Variants in CHMP3 observed in about 807,000 individuals in gnomAD.
The protein encoded by CHMP3 is 25.1 protein.
A neutral mutation model predicts 27.4 loss-of-function variants in CHMP3; 8 were observed. The observed-to-expected ratio is 0.29, with a 90% CI of 0.17 to 0.53. The LOEUF (loss-of-function observed/expected upper bound fraction) is 0.53, where lower values mean the gene tolerates loss of function less well. Among genes scored for constraint, CHMP3 ranks in the 20% least tolerant of loss-of-function variants. The pLI, the probability that CHMP3 is intolerant of heterozygous loss-of-function variation, is 0.96. For missense variants in CHMP3, 208 were observed against 271.5 expected, an observed-to-expected ratio of 0.77 and a Z score of 1.64; for synonymous variants, 86 against 85.5, an observed-to-expected ratio of 1.01 and a Z score of -0.03.
In CHMP3 at chr2:86,537,120, C is replaced by T. The variant is rs141197805; in HGVS notation, c.106+5132G>A. ...CCTCAAGCAACACACCTGCCTCAGC[C>T]TCCCAAAGTGTTGGGATTACAGGCG... On this transcript the variant is annotated intron_variant, in intron 2 of 5. Transcript: ENST00000263856. 2.2e-3 allele frequency among the ~76,000 whole-genome samples: 334 copies of T among 152,348 alleles called. 1 individual carries two copies. The highest frequency in any genetic ancestry group is 3.9e-3 in the Non-Finnish European group (265 of 68,030).
At chr2:86,513,779 C>G (rs990257667) in intron 3 of CHMP3, among the ~76,000 whole-genome samples, 11 of 152,228 alleles carry the variant, frequency 7.2e-5, no homozygotes, top group Admixed American at 7.2e-4. Flanking sequence ...AAGGACTCCA[C>G]TGCAGCAACA....
At chr2:86,530,617 T>C (rs1166307170) in intron 2 of CHMP3, among the ~76,000 whole-genome samples, 1 of 152,244 alleles carries the variant, frequency 6.6e-6, no homozygotes, top group Non-Finnish European at 1.5e-5. Context: ...ACTTCCAACT[T>C]TTAGCTATTG....
At chr2:86,530,621 G>C (rs1461320125) in intron 2 of CHMP3, among the ~76,000 whole-genome samples, 1 of 152,146 alleles carries the variant, frequency 6.6e-6, no homozygotes, top group Non-Finnish European at 1.5e-5. Context: ...CCAACTTTTA[G>C]CTATTGTGAA....
At chr2:86,549,157 C>G (rs1676752185) in intron 1 of CHMP3, among the ~76,000 whole-genome samples, 1 of 144,758 alleles carries the variant, frequency 6.9e-6, no homozygotes, top group Non-Finnish European at 1.5e-5. Context: ...GACGGGGCGG[C>G]CGGGCAGAGG....
In CHMP3 at chr2:86,521,741, T is replaced by C. The variant is rs1392010446; in HGVS notation, c.286+7477A>G. On this transcript the variant is annotated intron_variant, in intron 3 of 5. Coordinates refer to ENST00000263856, the MANE Select transcript of CHMP3 (RefSeq NM_016079.4). ...ATAATGCCTTCAAGATTCGTCCATA[T>C]TGTTGTAGCATAAGTCAGAATTTCC... Among the ~76,000 whole-genome samples the C allele has an allele frequency of 2.6e-5, 4 of 152,222 alleles. 1 individual carries two copies. Among genetic ancestry groups the C allele is most frequent in the Middle Eastern group, 6.3e-3 (2 of 316 alleles).
At chr2:86,543,436 A>G (rs1260320486) in intron 1 of CHMP3, among the ~76,000 whole-genome samples, 1 of 152,212 alleles carries the variant, frequency 6.6e-6, no homozygotes, top group African/African-American at 2.4e-5. Context: ...AACAAAACCT[A>G]TCACAAAAGA....
At chr2:86,523,115 T>C (rs1675575140) in intron 3 of CHMP3, among the ~76,000 whole-genome samples, 1 of 152,220 alleles carries the variant, frequency 6.6e-6, no homozygotes, top group Admixed American at 6.5e-5. Context: ...GTAAAAATTG[T>C]CATCTTCACC....
At position 86,516,783 on chromosome 2, in the gene CHMP3, T is replaced by C. The variant is rs116050300; in HGVS notation, c.287-6304A>G. Among the ~76,000 whole-genome samples the C allele has an allele frequency of 5.2e-3, 788 of 152,338 alleles. 6 individuals carry two copies. Among genetic ancestry groups the C allele is most frequent in the African/African-American group, 0.018 (748 of 41,564 alleles). On this transcript the variant is annotated intron_variant, in intron 3 of 5. Coordinates refer to ENST00000263856, the MANE Select transcript of CHMP3 (RefSeq NM_016079.4). ...AAAAAGCCAATCCCAAGAAGTTACA[T>C]AACTACATAATTCCATTTATACAAC...
intron 1 of CHMP3, among the ~76,000 whole-genome samples, chr2:86,552,557 C>T (rs1054180864): frequency 1.3e-5 from 2 of 152,142 alleles, no homozygotes; most frequent in African/African-American, 4.8e-5. Flanking sequence ...TCACATGGTG[C>T]TAAAATATCA....
intron 3 of CHMP3, among the ~76,000 whole-genome samples, chr2:86,517,667 A>C (rs1675366276): frequency 6.6e-6 from 1 of 152,144 alleles, no homozygotes; most frequent in East Asian, 1.9e-4. Flanking sequence ...AAGCAACAAA[A>C]ACAGAGAATT....
chr2:86,559,254 A>G (rs1677252057), intron 1 of CHMP3, among the ~76,000 whole-genome samples: 1 of 152,186 alleles, frequency 6.6e-6, no homozygotes, highest in African/African-American at 2.4e-5. Context: ...TCAGAACTGT[A>G]GGTTCTCTAC....
chr2:86,553,279 A>G (rs573709698), intron 1 of CHMP3, among the ~76,000 whole-genome samples: 2 of 152,094 alleles, frequency 1.3e-5, no homozygotes, highest in African/African-American at 2.4e-5. Flanking sequence ...CAAATGCTCT[A>G]TTTTACAAAC....
At chr2:86,507,104 A>G (rs1427421797) in intron 5 of CHMP3, 1 of 157,038 alleles carries the variant, frequency 6.4e-6, no homozygotes, top group Admixed American at 6.4e-5. Context: ...GGCTCAAGCG[A>G]TCCCCCACCT....
In CHMP3 at chr2:86,509,707, A is replaced by T. The variant is rs532620176; in HGVS notation, c.408+651T>A. On this transcript the variant is annotated intron_variant, in intron 4 of 5. Transcript: ENST00000263856. The stretch of plus-strand genomic sequence containing the variant: ...CTTCACTTACAACCAAGGTGACCTT[A>T]GGGAAACTACCTGATGACCCAAAAG... Among the ~76,000 whole-genome samples the T allele has an allele frequency of 3.9e-5, 6 of 152,338 alleles. No homozygotes were observed. In the South Asian group the frequency reaches 1.0e-3, roughly 26 times the overall value.
chr2:86,510,486 G>T lies in CHMP3; in HGVS notation c.287-7C>A. 1 of 1,611,254 alleles carries T rather than the reference G, an allele frequency of 6.2e-7. No homozygotes were observed. Among genetic ancestry groups the T allele is most frequent in the Non-Finnish European group, 8.5e-7 (1 of 1,179,992 alleles). On this transcript the variant is annotated splice_region_variant and splice_polypyrimidine_tract_variant and intron_variant, in intron 3 of 5. Coordinates refer to ENST00000263856, the MANE Select transcript of CHMP3 (RefSeq NM_016079.4). The stretch of plus-strand genomic sequence containing the variant: ...CCAGCCACTCGCAAGACCGCTGAAA[G>T]AGAATGTGTACAGTCAGGATTGTTC...
At chr2:86,545,716 C>T (rs1240318613) in intron 1 of CHMP3, among the ~76,000 whole-genome samples, 3 of 149,630 alleles carry the variant, frequency 2.0e-5, no homozygotes, top group Non-Finnish European at 4.4e-5. Flanking sequence ...AGAGGTGCTC[C>T]TCACATCCCA....
chr2:86,534,196 CTTTTT>C (rs33977886), intron 2 of CHMP3, among the ~76,000 whole-genome samples: 2 of 66,902 alleles, frequency 3.0e-5, no homozygotes, highest in Non-Finnish European at 5.4e-5. Context: ...TGCTTTATTT[CTTTTT>C]TTTTTTTTTT....
intron 2 of CHMP3, 81 bp downstream of exon 2, chr2:86,542,171 T>A: frequency 1.5e-5 from 21 of 1,401,128 alleles, no homozygotes; most frequent in Non-Finnish European, 2.0e-5. Flanking sequence ...TCTTATGATA[T>A]ATAAATGCAG....
rs1677088703 is a variant in CHMP3 at position 86,555,515 on chromosome 2, AT to A, written c.45+7788del. 1.5e-5 allele frequency among the ~76,000 whole-genome samples: 2 copies of A among 136,548 alleles called. 1 individual carries two copies. The highest frequency in any genetic ancestry group is 3.3e-5 in the Non-Finnish European group (2 of 60,734). 89.6% of individuals were successfully genotyped at this position (136,548 alleles called of 152,430 possible). ...GACTCCATCTCAAAAAAAAAAATAA[AT>A]AAATAAATAATAAATGTGCTGTTTC... is the stretch of plus-strand genomic sequence containing the variant. On this transcript the variant is annotated intron_variant, in intron 1 of 5. Coordinates refer to ENST00000263856, the MANE Select transcript of CHMP3 (RefSeq NM_016079.4).
Sources: allele counts gnomAD v4.1 joint callset (sites outside exome capture counted in the v4.1 genomes callset), GRCh38; gene constraint gnomAD v4.1.1; transcripts MANE v1.5; gene names NCBI Gene and HGNC (gene_info 2026-07-23, HGNC 2026-07-21).